The following GALNT13 variants were observed in gnomAD, a reference collection of about 807,000 sequenced individuals.
GALNT13 encodes the protein UDP-GalNAc:polypeptide N-acetylgalactosaminyltransferase 13.
GALNT13 carries 28 observed loss-of-function variants against 64.2 expected under a neutral mutation model. The ratio of observed to expected loss-of-function variants is 0.44; its 90% CI spans 0.32 to 0.60. The LOEUF is 0.60. GALNT13 is among the 20% of genes least tolerant of loss of function. GALNT13 has a pLI of 0.05. For synonymous variants in GALNT13, 214 were observed against 224.6 expected (o/e 0.95, Z 0.42); for missense variants, 577 against 669.8 (o/e 0.86, Z 1.53).
the GALNT13 span, chr2:153,478,091 G>T: frequency 6.0e-6 from 4 of 662,766 alleles, no homozygotes; most frequent in South Asian, 5.9e-5. Context: ...GGGAGAAACC[G>T]GTCGCTTCTT....
chr2:153,276,166 T>A, the GALNT13 span, among the ~76,000 whole-genome samples: 1 of 152,172 alleles, frequency 6.6e-6, no homozygotes, highest in Admixed American at 6.5e-5. Flanking sequence ...TAAAACATGG[T>A]TTAATATTGT....
At chr2:153,126,922 C>T in the GALNT13 span, among the ~76,000 whole-genome samples, 475 of 151,720 alleles carry the variant, frequency 3.1e-3, 2 homozygotes, top group Non-Finnish European at 5.0e-3. Context: ...TAGGATAGGC[C>T]CCATAATTTT....
the GALNT13 span, among the ~76,000 whole-genome samples, chr2:153,606,320 T>C: frequency 9.2e-5 from 14 of 152,054 alleles, no homozygotes; most frequent in Non-Finnish European, 1.5e-5. Context: ...TTCTGTAGCC[T>C]ATTTCTGGCT....
chr2:154,004,906 G>A (rs1696149723), intron 3 of GALNT13, among the ~76,000 whole-genome samples: 1 of 152,142 alleles, frequency 6.6e-6, no homozygotes, highest in African/African-American at 2.4e-5. Flanking sequence ...ATTATTGCTT[G>A]TAGTCTCAGA....
chr2:153,116,801 T>TTC, the GALNT13 span, among the ~76,000 whole-genome samples: 2 of 134,242 alleles, frequency 1.5e-5, no homozygotes, highest in Non-Finnish European at 3.1e-5. Context: ...CTTCTTTTTT[T>TTC]TTTTTTTTTT....
At chr2:153,927,249 A>G (rs1416241517) in intron 2 of GALNT13, among the ~76,000 whole-genome samples, 2 of 152,086 alleles carry the variant, frequency 1.3e-5, no homozygotes, top group Non-Finnish European at 2.9e-5. Context: ...CTTTGCTAAA[A>G]TATAATTTTG....
the GALNT13 span, among the ~76,000 whole-genome samples, chr2:153,320,436 G>A: frequency 6.6e-6 from 1 of 152,094 alleles, no homozygotes; most frequent in Non-Finnish European, 1.5e-5. Context: ...TGCTTCTAGA[G>A]ATATAAAAGT....
At chr2:153,256,769 T>C in the GALNT13 span, among the ~76,000 whole-genome samples, 6 of 152,102 alleles carry the variant, frequency 3.9e-5, no homozygotes, top group East Asian at 1.2e-3. Flanking sequence ...TGCTCGGGGG[T>C]CAAGGGTCAG....
At chr2:153,301,877 T>TTGTGTGTGTGTGTG in the GALNT13 span, among the ~76,000 whole-genome samples, 4 of 146,172 alleles carry the variant, frequency 2.7e-5, no homozygotes, top group East Asian at 2.0e-4. Context: ...GTATTCCACT[T>TTGTGTGTGTGTGTG]TGTGTGTGTG....
At chr2:154,242,280 C>G in intron 5 of GALNT13, 84 bp downstream of exon 5, 1 of 1,146,456 alleles carries the variant, frequency 8.7e-7, no homozygotes, top group African/African-American at 1.6e-5. Flanking sequence ...TTATTATGGC[C>G]AAAAAGATAA....
At chr2:153,867,379 C>T (rs566972242), upstream of GALNT13, among the ~76,000 whole-genome samples, 14 of 127,676 alleles carry the variant, frequency 1.1e-4, no homozygotes, top group Non-Finnish European at 2.5e-4. Context: ...TATCTATAAA[C>T]TATTTGTGGT....
At chr2:153,814,173 G>A in the GALNT13 span, among the ~76,000 whole-genome samples, 3 of 152,206 alleles carry the variant, frequency 2.0e-5, no homozygotes, top group African/African-American at 7.2e-5. Context: ...GGGCGCGGTG[G>A]CTCACGCCTG....
At chr2:153,352,294 A>G in the GALNT13 span, among the ~76,000 whole-genome samples, 13 of 152,060 alleles carry the variant, frequency 8.5e-5, no homozygotes, top group Non-Finnish European at 1.3e-4. Context: ...GCTTATTTTT[A>G]AATTGAGTTG....
chr2:154,224,815 A>G (rs1397749282), intron 4 of GALNT13, among the ~76,000 whole-genome samples: 1 of 152,104 alleles, frequency 6.6e-6, no homozygotes, highest in Admixed American at 6.6e-5. Context: ...ATTCCTCTTA[A>G]CCTTGGTGGA....
At chr2:153,566,359 T>TTG in the GALNT13 span, among the ~76,000 whole-genome samples, 24 of 140,810 alleles carry the variant, frequency 1.7e-4, no homozygotes, top group Non-Finnish European at 3.2e-4. Context: ...TTTTTTTTTT[T>TTG]TTTTTTTTTT....
the GALNT13 span, among the ~76,000 whole-genome samples, chr2:153,843,421 G>A: frequency 6.6e-6 from 1 of 152,138 alleles, no homozygotes; most frequent in African/African-American, 2.4e-5. Context: ...ATTCATGAGG[G>A]ATCTGCCACC....
At chr2:153,189,112 C>T in the GALNT13 span, among the ~76,000 whole-genome samples, 1 of 152,188 alleles carries the variant, frequency 6.6e-6, no homozygotes, top group Middle Eastern at 3.2e-3. Context: ...AGCCGTCTCT[C>T]TTATCCTTTC....
At chr2:154,032,864 C>CTTTT (rs70981694) in intron 3 of GALNT13, among the ~76,000 whole-genome samples, 30 of 110,080 alleles carry the variant, frequency 2.7e-4, no homozygotes, top group African/African-American at 4.5e-4. Flanking sequence ...CCTACATTTC[C>CTTTT]TTTTTTTTTT....
chr2:153,457,133 T>C, the GALNT13 span, among the ~76,000 whole-genome samples: 1 of 152,218 alleles, frequency 6.6e-6, no homozygotes, highest in Admixed American at 6.5e-5. Context: ...TTGGCACCCA[T>C]TGGTCTCAGC....
Sources: allele counts gnomAD v4.1 joint callset (sites outside exome capture counted in the v4.1 genomes callset), GRCh38; gene constraint gnomAD v4.1.1; transcripts MANE v1.5; gene names NCBI Gene and HGNC (gene_info 2026-07-23, HGNC 2026-07-21).